Variants in DNAH3 observed in about 807,000 individuals in gnomAD.
DNAH3 encodes the protein dynein axonemal heavy chain 3, also known as axonemal beta dynein heavy chain 3.
Under a neutral mutation model 432.5 loss-of-function variants are expected in DNAH3, and 332 were observed. That is an observed-to-expected ratio of 0.77 (90% CI 0.70 to 0.84). The LOEUF (loss-of-function observed/expected upper bound fraction) is 0.84, where lower values mean the gene tolerates loss of function less well. DNAH3 is among the 40% of genes least tolerant of loss of function. The pLI is 0.00. For synonymous variants in DNAH3, 1,956 were observed against 1,900.2 expected (o/e 1.03, Z -0.76); for missense variants, 4,861 against 5,114.0 (o/e 0.95, Z 1.51).
chr16:21,142,501 C>T (rs935481981), intron 3 of DNAH3, among the ~76,000 whole-genome samples: 7 of 151,816 alleles, frequency 4.6e-5, no homozygotes, highest in Admixed American at 4.6e-4. Context: ...AGTAGAAAAA[C>T]CAATATCATT....
intron 49 of DNAH3, among the ~76,000 whole-genome samples, chr16:20,981,221 G>A (rs1324527669): frequency 2.0e-5 from 3 of 152,172 alleles, no homozygotes; most frequent in African/African-American, 7.2e-5. Flanking sequence ...TTCATAACTG[G>A]AGGAAATGCA....
chr16:21,015,191 AACAT>A (rs2087797813), intron 41 of DNAH3, among the ~76,000 whole-genome samples: 1 of 152,234 alleles, frequency 6.6e-6, no homozygotes, highest in South Asian at 2.1e-4. Context: ...TGCATGGATA[AACAT>A]ACATACAATG....
In DNAH3 at chr16:21,151,320, C is replaced by A. The variant is rs553875961; in HGVS notation, c.118-5232G>T. Among the ~76,000 whole-genome samples, 5 of 117,770 alleles carry A rather than the reference C, an allele frequency of 4.2e-5. No homozygotes were observed. In the East Asian group the frequency reaches 1.9e-3, roughly 44 times the overall value. The allele number at this position is 117,770 out of a possible 152,430, so 77.3% of individuals were successfully genotyped here. On this transcript the variant is annotated intron_variant, in intron 1 of 61. Coordinates refer to ENST00000261383, the Ensembl canonical transcript of DNAH3. ...AACTGATATTTTCCCAGTTTTTCCCCGTTTTTTTTTTTTTTTTTGAGACAG... is the reference window on the plus strand; with the variant it reads ...AACTGATATTTTCCCAGTTTTTCCCAGTTTTTTTTTTTTTTTTTGAGACAG...
intron 44 of DNAH3, among the ~76,000 whole-genome samples, chr16:20,990,913 C>T (rs1178654502): frequency 1.3e-5 from 2 of 151,908 alleles, no homozygotes; most frequent in African/African-American, 2.4e-5. Flanking sequence ...CCCAACTACT[C>T]GGGAGGTTGA....
intron 41 of DNAH3, among the ~76,000 whole-genome samples, chr16:21,018,264 CA>C (rs891323221): frequency 1.1e-4 from 16 of 152,176 alleles, no homozygotes; most frequent in Non-Finnish European, 8.8e-5. Flanking sequence ...TGTTTTTTTA[CA>C]ATCACAAAAA....
chr16:21,064,312 G>A (rs965648597), intron 24 of DNAH3, among the ~76,000 whole-genome samples: 1 of 152,182 alleles, frequency 6.6e-6, no homozygotes, highest in African/African-American at 2.4e-5. Flanking sequence ...CCAATGACCA[G>A]ACAAGCAATT....
chr16:21,074,764 C>T (rs542128205), intron 21 of DNAH3, among the ~76,000 whole-genome samples: 1 of 152,092 alleles, frequency 6.6e-6, no homozygotes, highest in African/African-American at 2.4e-5. Flanking sequence ...TGTGTATCAA[C>T]CTGTTGCCTC....
In DNAH3 at chr16:21,037,983, A is replaced by G. The variant is rs779172622; in HGVS notation, c.4731-3T>C. 6.2e-7 allele frequency: 1 copy of G among 1,613,592 alleles called. No individual in the cohort carries two copies. Among genetic ancestry groups the G allele is most frequent in the Admixed American group, 1.7e-5 (1 of 59,992 alleles). ...TCGCAACGATCTTCTGGGCGAGACT[A>G]GAAGGGCAAAGACATGTATGCGGAC... On this transcript the variant is annotated splice_region_variant and splice_polypyrimidine_tract_variant and intron_variant, in intron 33 of 61. Coordinates refer to ENST00000261383, the Ensembl canonical transcript of DNAH3.
chr16:21,070,773 G>C, exon 22 of DNAH3: 1 of 1,613,424 alleles, frequency 6.2e-7, no homozygotes. Flanking sequence ...TCTTTATCAC[G>C]TGATCATCAA....
chr16:21,020,348 G>GTATATATATATATATATATA (rs58198093), intron 40 of DNAH3, among the ~76,000 whole-genome samples: 1 of 69,174 alleles, frequency 1.4e-5, no homozygotes, highest in Non-Finnish European at 2.5e-5. Flanking sequence ...TATAGTGTGT[G>GTATATATATATATATATATA]TATATATATA....
exon 62 of DNAH3, chr16:20,933,496 T>C (rs1226551975): frequency 1.3e-6 from 2 of 1,588,340 alleles, no homozygotes; most frequent in Non-Finnish European, 1.7e-6. Context: ...TCACTGTTTC[T>C]TGTGGGGTTA....
chr16:20,988,916 G>A (rs2086374395), intron 44 of DNAH3, among the ~76,000 whole-genome samples: 1 of 152,128 alleles, frequency 6.6e-6, no homozygotes, highest in Admixed American at 6.6e-5. Context: ...AGCTCTTAAG[G>A]CGGCATGTCT....
At position 21,116,847 on chromosome 16, in the gene DNAH3, A is replaced by G. The variant is rs184059333; in HGVS notation, c.1814+356T>C. 1.2e-3 allele frequency among the ~76,000 whole-genome samples: 187 copies of G among 152,320 alleles called. 1 individual carries two copies. The highest frequency in any genetic ancestry group is 4.3e-3 in the African/African-American group (179 of 41,576). On this transcript the variant is annotated intron_variant, in intron 12 of 61. Transcript: ENST00000261383. ...CAGAAATATCAACATGTTGCCCCAG[A>G]CCTCACAGAAACTGCAGGATAATAT...
intron 49 of DNAH3, among the ~76,000 whole-genome samples, chr16:20,979,775 T>C (rs1200921336): frequency 6.6e-6 from 1 of 152,092 alleles, no homozygotes; most frequent in East Asian, 1.9e-4. Flanking sequence ...ATTGAGACAG[T>C]GTCTCTCTCT....
chr16:21,089,427 A>C (rs2091469267), intron 18 of DNAH3, among the ~76,000 whole-genome samples: 1 of 152,214 alleles, frequency 6.6e-6, no homozygotes, highest in Admixed American at 6.5e-5. Context: ...TTTTTATTGC[A>C]AATAGAACAC....
intron 20 of DNAH3, among the ~76,000 whole-genome samples, chr16:21,079,646 A>AAAAT (rs1179391063): frequency 2.0e-5 from 3 of 152,168 alleles, no homozygotes; most frequent in African/African-American, 2.4e-5. Flanking sequence ...CAAAAAATAA[A>AAAAT]AAATAAATAA....
chr16:21,057,457 G>C (rs1475046101), intron 27 of DNAH3, among the ~76,000 whole-genome samples: 1 of 152,130 alleles, frequency 6.6e-6, no homozygotes, highest in African/African-American at 2.4e-5. Flanking sequence ...ATTATGATGT[G>C]TTGTGACAAT....
At chr16:21,058,020 T>A (rs1567714676) in intron 27 of DNAH3, 66 bp downstream of exon 27, 6 of 975,630 alleles carry the variant, frequency 6.1e-6, no homozygotes, top group Admixed American at 1.7e-5. Context: ...CTACTCTAAT[T>A]ATACGTCATT....
In DNAH3 at chr16:21,020,348, G is replaced by GTGTGTGTGTGTGTGTATA; in HGVS notation, c.5777-480_5777-479insTATACACACACACACACA. ...ACTGCTGTATAATAATATAGTGTGTGTATATATATATATATATATAAAATC... is the reference window on the plus strand; with the variant it reads ...ACTGCTGTATAATAATATAGTGTGTGTGTGTGTGTGTGTGTATATATATATATATATATATATAAAATC... On this transcript the variant is annotated intron_variant, in intron 40 of 61. Coordinates refer to ENST00000261383, the Ensembl canonical transcript of DNAH3. Among the ~76,000 whole-genome samples, 5 of 69,158 alleles carry GTGTGTGTGTGTGTGTATA rather than the reference G, an allele frequency of 7.2e-5. No individual in the cohort carries two copies. In the South Asian group the frequency reaches 3.2e-3, roughly 44 times the overall value. 45.4% of individuals were successfully genotyped at this position (69,158 alleles called of 152,430 possible). A position where few individuals can be genotyped will look rare whatever the true frequency, so the allele number is the denominator to read the frequency against.
Sources: gnomAD v4.1 joint callset for allele counts (sites outside exome capture counted in the v4.1 genomes callset) on GRCh38, gnomAD v4.1.1 for gene constraint, MANE v1.5 for transcripts, NCBI Gene and HGNC (gene_info 2026-07-23, HGNC 2026-07-21) for gene names.